The following PIGH variants were observed in gnomAD, a reference collection of about 807,000 sequenced individuals.
PIGH encodes the protein phosphatidylinositol N-acetylglucosaminyltransferase subunit H.
A neutral mutation model predicts 20.1 loss-of-function variants in PIGH; 11 were observed. The ratio of observed to expected loss-of-function variants is 0.55; its 90% CI spans 0.34 to 0.91. The LOEUF (loss-of-function observed/expected upper bound fraction) is 0.91. Ranked by LOEUF, PIGH falls within the 40% of genes least tolerant of loss-of-function variation. The pLI is 0.02. For synonymous variants in PIGH, 72 were observed against 93.1 expected (o/e 0.77, Z 1.31); for missense variants, 189 against 233.6 (o/e 0.81, Z 1.24).
At chr14:67,599,784 G>A (rs7149863) in intron 1 of PIGH, among the ~76,000 whole-genome samples, 1 of 152,222 alleles carries the variant, frequency 6.6e-6, no homozygotes, top group African/African-American at 2.4e-5. Context: ...GTGAACCCAC[G>A]GAGCAGAGCA....
chr14:67,599,209 GGGAT>G (rs747629701), intron 1 of PIGH, among the ~76,000 whole-genome samples: 25 of 152,302 alleles, frequency 1.6e-4, no homozygotes, highest in African/African-American at 2.6e-4. Flanking sequence ...GATCACTTCT[GGGAT>G]AATACATTCA....
chr14:67,599,021 A>G (rs1404735065), intron 1 of PIGH, among the ~76,000 whole-genome samples: 1 of 152,188 alleles, frequency 6.6e-6, no homozygotes, highest in East Asian at 1.9e-4. Flanking sequence ...GAACAAACAT[A>G]CGGTTTAGAT....
chr14:67,599,889 CG>C, intron 1 of PIGH, 134 bp downstream of exon 1: 2 of 669,498 alleles, frequency 3.0e-6, no homozygotes, highest in Non-Finnish European at 5.0e-6. Context: ...CCCCAGAACC[CG>C]TGAGTTCCCG....
intron 2 of PIGH, 120 bp downstream of exon 2, chr14:67,593,623 A>T (rs2036417048): frequency 8.1e-6 from 5 of 618,832 alleles, no homozygotes; most frequent in Middle Eastern, 8.6e-4. Context: ...TTAAAAATAA[A>T]GAGATTTACC....
At position 67,600,024 on chromosome 14, in the gene PIGH, C is replaced by G; in HGVS notation, c.180G>C (p.Glu60Asp). 1.3e-6 allele frequency: 2 copies of G among 1,559,442 alleles called. No homozygotes were observed. Among genetic ancestry groups the G allele is most frequent in the East Asian group, 4.8e-5 (2 of 41,426 alleles). ...LAAYGLFTLC[E>D]NSMILSAAIF... Reference sequence around the variant, plus strand: ...CGGGGAGGGGCCGACTTGCCATTACCTCGCAGAGGGTGAAGAGTCCGTAGG... The same window carrying G: ...CGGGGAGGGGCCGACTTGCCATTACGTCGCAGAGGGTGAAGAGTCCGTAGG... Residue 60 changes from glutamate (E) to aspartate (D), a missense_variant and splice_region_variant, in exon 1 of 4, where the codon GAG becomes GAC. Glu to Asp is a conservative substitution (Grantham distance 45, BLOSUM62 2). Transcript: ENST00000216452.
intron 1 of PIGH, among the ~76,000 whole-genome samples, chr14:67,594,281 C>G (rs1354805368): frequency 2.0e-5 from 3 of 151,156 alleles, no homozygotes; most frequent in African/African-American, 7.3e-5. Context: ...CCCAGGAGTT[C>G]GAGGCTGCAG....
At chr14:67,598,232 T>C (rs28558546) in intron 1 of PIGH, among the ~76,000 whole-genome samples, 27,323 of 152,108 alleles carry the variant, frequency 0.18, 2,550 homozygotes, top group East Asian at 0.25. Flanking sequence ...TTAGAAAGTG[T>C]TGCAGTAGAG....
In PIGH at chr14:67,600,259, T is replaced by C. The variant is rs1288455039; in HGVS notation, c.-56A>G. 2.2e-5 allele frequency: 31 copies of C among 1,418,454 alleles called. No homozygotes were observed. Among genetic ancestry groups the C allele is most frequent in the Middle Eastern group, 1.8e-4 (1 of 5,536 alleles). 87.9% of individuals were successfully genotyped at this position (1,418,454 alleles called of 1,614,324 possible). A position where few individuals can be genotyped will look rare whatever the true frequency, so the allele number is the denominator to read the frequency against. ...GGCGCTGCACTGCGCTCGCCGGCCC[T>C]GGCCGTCTCGCCCGCTCCAGACCCG... On this transcript the variant is annotated 5_prime_UTR_variant, in exon 1 of 4. Coordinates refer to ENST00000216452, the MANE Select transcript of PIGH (RefSeq NM_004569.5).
chr14:67,590,222 G>T, intron 3 of PIGH, 50 bp from the exon 4 acceptor site: 2 of 1,409,102 alleles, frequency 1.4e-6, no homozygotes, highest in Non-Finnish European at 1.9e-6. Context: ...ATATAAGGGA[G>T]TGCAGTGGTG....
chr14:67,593,900 C>A lies in PIGH; in HGVS notation c.233G>T (p.Gly78Val). 1 of 1,613,574 alleles carries A rather than the reference C, an allele frequency of 6.2e-7. No individual in the cohort carries two copies. The change falls in exon 2 of 4, where the codon GGT becomes GTT. Residue 78 changes from glycine to valine, a missense_variant. Gly to Val is a moderately radical substitution (Grantham distance 109). Coordinates refer to ENST00000216452, the MANE Select transcript of PIGH (RefSeq NM_004569.5). ...AIFITLLGLLGYLHFVKIDQE... is the reference protein window; with the variant it reads ...AIFITLLGLLVYLHFVKIDQE... Reference sequence around the variant, plus strand: ...ATCAATCTTCACAAAATGGAGATAACCAAGCAGACCTAAGAGGGTGATGAA... The same window carrying A: ...ATCAATCTTCACAAAATGGAGATAAACAAGCAGACCTAAGAGGGTGATGAA...
chr14:67,599,164 A>T (rs2036527816), intron 1 of PIGH, among the ~76,000 whole-genome samples: 1 of 152,264 alleles, frequency 6.6e-6, no homozygotes, highest in African/African-American at 2.4e-5. Context: ...CCAAGTTACA[A>T]AAATAAATAG....
chr14:67,592,654 T>A lies in PIGH; in HGVS notation c.455A>T (p.Gln152Leu), dbSNP rs774973745. Residue 152 changes from glutamine (Q) to leucine (L), a missense_variant, in exon 3 of 4, where the codon CAA becomes CTA. Physicochemically the swap from Gln to Leu is moderately radical, Grantham distance 113. Coordinates refer to ENST00000216452, the MANE Select transcript of PIGH (RefSeq NM_004569.5). ...GCTCACCTGGAAGACGGGTACTACT[T>A]GGGATATCCCATGTGGTTCCACTGG... ...KDPVEPHGIS[Q>L]VVPVFQSAKP... 6.2e-7 allele frequency: 1 copy of A among 1,604,002 alleles called. No homozygotes were observed. The highest frequency in any genetic ancestry group is 2.2e-5 in the East Asian group (1 of 44,840).
chr14:67,599,656 G>A (rs891387214), intron 1 of PIGH, among the ~76,000 whole-genome samples: 5 of 152,162 alleles, frequency 3.3e-5, no homozygotes, highest in Non-Finnish European at 7.4e-5. Context: ...GATGGACGAG[G>A]AAGACCCACT....
intron 3 of PIGH, 38 bp from the exon 4 acceptor site, chr14:67,590,210 G>A: frequency 6.7e-7 from 1 of 1,494,074 alleles, no homozygotes; most frequent in African/African-American, 1.4e-5. Flanking sequence ...GTCAAGGTGA[G>A]AATATAAGGG....
chr14:67,596,295 A>AT (rs772451900), intron 1 of PIGH, among the ~76,000 whole-genome samples: 12,886 of 59,624 alleles, frequency 0.22, 1,846 homozygotes, highest in East Asian at 0.31. Flanking sequence ...CGCCCAGCTA[A>AT]TTTTTTTTTT....
intron 1 of PIGH, among the ~76,000 whole-genome samples, chr14:67,594,872 G>A (rs748402999): frequency 7.9e-5 from 12 of 152,100 alleles, no homozygotes; most frequent in South Asian, 4.1e-4. Context: ...ACATTAGGCC[G>A]GGCGCGGTGG....
chr14:67,594,573 G>A (rs2036435296), intron 1 of PIGH, among the ~76,000 whole-genome samples: 2 of 151,894 alleles, frequency 1.3e-5, no homozygotes, highest in Non-Finnish European at 2.9e-5. Context: ...CTTGAACCTG[G>A]GAGGCGGAGG....
chr14:67,593,897 T>C lies in PIGH; in HGVS notation c.236A>G (p.Tyr79Cys), dbSNP rs773335993. 7.4e-6 allele frequency: 12 copies of C among 1,613,474 alleles called. No homozygotes were observed. The highest frequency in any genetic ancestry group is 1.0e-5 in the Non-Finnish European group (12 of 1,179,726). ...IFITLLGLLG[Y>C]LHFVKIDQET... ...CTGATCAATCTTCACAAAATGGAGA[T>C]AACCAAGCAGACCTAAGAGGGTGAT... is the stretch of plus-strand genomic sequence containing the variant. The change falls in exon 2 of 4, where the codon TAT becomes TGT. Residue 79 changes from tyrosine (Y) to cysteine (C), a missense_variant. Transcript: ENST00000216452.
At chr14:67,596,295 ATTTTTTTTT>A (rs772451900) in intron 1 of PIGH, among the ~76,000 whole-genome samples, 3 of 60,228 alleles carry the variant, frequency 5.0e-5, no homozygotes, top group South Asian at 8.6e-4. Context: ...CGCCCAGCTA[ATTTTTTTTT>A]TTTTTTTTTT....
Sources: gnomAD v4.1 joint callset for allele counts (sites outside exome capture counted in the v4.1 genomes callset) on GRCh38, gnomAD v4.1.1 for gene constraint, MANE v1.5 for transcripts, NCBI Gene and HGNC (gene_info 2026-07-23, HGNC 2026-07-21) for gene names.